LNX1: variants seen among roughly 807,000 people sequenced by gnomAD.
LNX1 encodes the protein E3 ubiquitin-protein ligase LNX.
Under a neutral mutation model 68.4 loss-of-function variants are expected in LNX1, and 54 were observed. That is an observed-to-expected ratio of 0.79 (90% CI 0.63 to 0.99). The LOEUF (loss-of-function observed/expected upper bound fraction) is 0.99, where lower values mean the gene tolerates loss of function less well. Ranked by LOEUF, LNX1 falls within the 50% of genes least tolerant of loss-of-function variation. The probability of loss-of-function intolerance (pLI) is 0.00; values close to 1 mark genes in which losing one functional copy is unlikely to be tolerated. For missense variants in LNX1, 906 were observed against 926.4 expected, an observed-to-expected ratio of 0.98 and a Z score of 0.29; for synonymous variants, 336 against 350.0, an observed-to-expected ratio of 0.96 and a Z score of 0.45.
intron 9 of LNX1, among the ~76,000 whole-genome samples, chr4:53,470,065 G>T (rs1455561958): frequency 1.3e-5 from 2 of 152,208 alleles, no homozygotes; most frequent in Non-Finnish European, 2.9e-5. Context: ...CCAATATCCT[G>T]GATGAACACC....
At chr4:53,474,747 A>G (rs1723450800) in intron 9 of LNX1, among the ~76,000 whole-genome samples, 1 of 149,584 alleles carries the variant, frequency 6.7e-6, no homozygotes, top group Admixed American at 6.7e-5. Flanking sequence ...TTTAGAGGAA[A>G]TGAGCAAAGT....
intron 2 of LNX1, among the ~76,000 whole-genome samples, chr4:53,615,104 A>G (rs1029102838): frequency 1.3e-5 from 2 of 152,228 alleles, no homozygotes; most frequent in Non-Finnish European, 2.9e-5. Context: ...ATAATTACAC[A>G]TGCCCCACAG....
At chr4:53,571,255 A>G (rs1462487513) in intron 2 of LNX1, among the ~76,000 whole-genome samples, 1 of 151,960 alleles carries the variant, frequency 6.6e-6, no homozygotes. Flanking sequence ...CCTGATCTCA[A>G]GTGATCTGCC....
At chr4:53,509,086 C>T (rs1330896147) in intron 2 of LNX1, among the ~76,000 whole-genome samples, 1 of 152,184 alleles carries the variant, frequency 6.6e-6, no homozygotes, top group Non-Finnish European at 1.5e-5. Flanking sequence ...TTGCCATGAA[C>T]ATGAACACTG....
At chr4:53,477,055 T>A in intron 8 of LNX1, 74 bp from the exon 9 acceptor site, 1 of 1,281,794 alleles carries the variant, frequency 7.8e-7, no homozygotes, top group Non-Finnish European at 1.1e-6. Context: ...TGCAAGGGGA[T>A]AGGGGCTGAC....
intron 9 of LNX1, among the ~76,000 whole-genome samples, chr4:53,469,673 C>G (rs1223514393): frequency 6.6e-6 from 1 of 152,134 alleles, no homozygotes; most frequent in African/African-American, 2.4e-5. Context: ...CCACCAATCC[C>G]ACAGAAATAC....
intron 1 of LNX1, among the ~76,000 whole-genome samples, chr4:53,628,677 T>A (rs1734161521): frequency 6.6e-6 from 1 of 152,226 alleles, no homozygotes; most frequent in Non-Finnish European, 1.5e-5. Context: ...CATGCACTTG[T>A]ATGTTTACAG....
Position 53,480,830 on chromosome 4 carries a change from G to A in LNX1, c.1485+890C>T, listed in dbSNP as rs116971077. ...TATTCCAACCAACATATAGATTGAC[G>A]TAGAAAGAAAAGGGCATTCCCTACT... On this transcript the variant is annotated intron_variant, in intron 7 of 10. Transcript: ENST00000263925. 9.3e-4 allele frequency among the ~76,000 whole-genome samples: 142 copies of A among 152,204 alleles called. 3 individuals carry two copies. In the East Asian group the frequency reaches 0.024, roughly 25 times the overall value.
At chr4:53,482,738 C>A (rs893524994) in intron 6 of LNX1, among the ~76,000 whole-genome samples, 7 of 152,116 alleles carry the variant, frequency 4.6e-5, no homozygotes, top group African/African-American at 1.7e-4. Context: ...TGAAAAACTG[C>A]CTATTTGGTA....
chr4:53,603,235 C>T (rs369003698), intron 2 of LNX1, among the ~76,000 whole-genome samples: 15 of 152,228 alleles, frequency 9.9e-5, no homozygotes, highest in Admixed American at 2.0e-4. Flanking sequence ...CCTTGGGAGC[C>T]GACTCCTCAC....
intron 2 of LNX1, among the ~76,000 whole-genome samples, chr4:53,604,541 C>T (rs780354148): frequency 5.9e-5 from 9 of 152,212 alleles, no homozygotes; most frequent in Middle Eastern, 3.4e-3. Flanking sequence ...ATGAGGGCTC[C>T]GAATTCTTAT....
At chr4:53,486,233 C>T (rs1390221854) in intron 6 of LNX1, among the ~76,000 whole-genome samples, 3 of 152,132 alleles carry the variant, frequency 2.0e-5, no homozygotes, top group Admixed American at 6.5e-5. Flanking sequence ...GGTGGTCCTC[C>T]GCTCCTGGCA....
chr4:53,563,949 T>G lies in LNX1; in HGVS notation c.380+9674A>C, dbSNP rs140989232. On this transcript the variant is annotated intron_variant, in intron 2 of 10. Coordinates refer to ENST00000263925, the MANE Select transcript of LNX1 (RefSeq NM_001126328.3). Reference sequence around the variant, plus strand: ...TACAACATATTTGTGGAAATGTTGGTTTCAACCTACTTAGGAAGCAGAAGT... The same window carrying G: ...TACAACATATTTGTGGAAATGTTGGGTTCAACCTACTTAGGAAGCAGAAGT... 5.7e-3 allele frequency among the ~76,000 whole-genome samples: 872 copies of G among 152,320 alleles called. 5 individuals are homozygous for G. The highest frequency in any genetic ancestry group is 0.02 in the African/African-American group (821 of 41,572).
intron 1 of LNX1, among the ~76,000 whole-genome samples, chr4:53,627,505 T>C (rs1734122348): frequency 6.6e-6 from 1 of 152,218 alleles, no homozygotes; most frequent in Admixed American, 6.5e-5. Flanking sequence ...ATGTTGAAAG[T>C]AACTCAACCA....
intron 6 of LNX1, among the ~76,000 whole-genome samples, chr4:53,492,259 G>C (rs1724733878): frequency 6.6e-6 from 1 of 152,150 alleles, no homozygotes; most frequent in South Asian, 2.1e-4. Context: ...TGGGAATGCA[G>C]CAAATGGATA....
intron 2 of LNX1, among the ~76,000 whole-genome samples, chr4:53,555,717 C>G (rs549911243): frequency 2.0e-5 from 3 of 152,126 alleles, no homozygotes; most frequent in Non-Finnish European, 4.4e-5. Context: ...ACAAAGCATA[C>G]ACAGCAATTG....
intron 1 of LNX1, among the ~76,000 whole-genome samples, chr4:53,640,320 A>C (rs1734630285): frequency 6.6e-6 from 1 of 152,234 alleles, no homozygotes; most frequent in Middle Eastern, 3.2e-3. Flanking sequence ...ATGATAGAGA[A>C]GTCTTTCTTT....
At chr4:53,507,135 A>T (rs1337043479) in intron 4 of LNX1, among the ~76,000 whole-genome samples, 182 bp downstream of exon 4, 1 of 152,226 alleles carries the variant, frequency 6.6e-6, no homozygotes, top group African/African-American at 2.4e-5. Context: ...ATGTAAAAAG[A>T]TGATAATACT....
At chr4:53,522,917 T>A (rs1172467070) in intron 2 of LNX1, 1 of 152,244 alleles carries the variant, frequency 6.6e-6, no homozygotes, top group Non-Finnish European at 1.5e-5. Context: ...CATAGACACA[T>A]ATACTTCTGT....
Sources: allele counts gnomAD v4.1 joint callset (sites outside exome capture counted in the v4.1 genomes callset), GRCh38; gene constraint gnomAD v4.1.1; transcripts MANE v1.5; gene names NCBI Gene and HGNC (gene_info 2026-07-23, HGNC 2026-07-21).